Variants in NOVA1 observed in about 807,000 individuals in gnomAD.
NOVA1 encodes the protein NOVA alternative splicing regulator 1, also known as RNA-binding protein Nova-1.
Under a neutral mutation model 38.0 loss-of-function variants are expected in NOVA1, and 7 were observed. That is an observed-to-expected ratio of 0.18 (90% CI 0.10 to 0.35). The LOEUF (loss-of-function observed/expected upper bound fraction) is 0.35. Among genes scored for constraint, NOVA1 ranks in the 10% least tolerant of loss-of-function variants. The probability of loss-of-function intolerance (pLI) is 1.00; values close to 1 mark genes in which losing one functional copy is unlikely to be tolerated. For missense variants in NOVA1, 460 were observed against 616.0 expected, an observed-to-expected ratio of 0.75 and a Z score of 2.68; for synonymous variants, 270 against 232.5, an observed-to-expected ratio of 1.16 and a Z score of -1.47.
chr14:26,562,637 T>C (rs1891896642), intron 2 of NOVA1, among the ~76,000 whole-genome samples: 1 of 152,088 alleles, frequency 6.6e-6, no homozygotes, highest in Non-Finnish European at 1.5e-5. Context: ...GAGAGGAAGC[T>C]GAAAACTAGG....
chr14:26,576,742 C>T (rs1345906267), intron 2 of NOVA1, among the ~76,000 whole-genome samples: 1 of 151,028 alleles, frequency 6.6e-6, no homozygotes, highest in East Asian at 2.0e-4. Flanking sequence ...CCTCTTGCCT[C>T]CTTTTTTTAT....
intron 2 of NOVA1, among the ~76,000 whole-genome samples, chr14:26,571,258 A>G (rs1892453981): frequency 6.6e-6 from 1 of 152,076 alleles, no homozygotes; most frequent in Non-Finnish European, 1.5e-5. Flanking sequence ...TCTAAAAAGA[A>G]CTGAAAAAAA....
chr14:26,547,117 G>GA (rs1375617435), intron 2 of NOVA1, among the ~76,000 whole-genome samples: 2 of 152,024 alleles, frequency 1.3e-5, no homozygotes, highest in African/African-American at 2.4e-5. Flanking sequence ...GAGAAAGGAT[G>GA]AAAAATAAGT....
intron 2 of NOVA1, among the ~76,000 whole-genome samples, chr14:26,562,530 A>G (rs969608211): frequency 1.3e-5 from 2 of 152,176 alleles, no homozygotes; most frequent in Non-Finnish European, 2.9e-5. Context: ...CAGAAAGACA[A>G]GGAGAAGGGT....
intron 2 of NOVA1, among the ~76,000 whole-genome samples, chr14:26,590,021 A>T (rs1051115314): frequency 1.3e-5 from 2 of 151,888 alleles, no homozygotes; most frequent in African/African-American, 4.8e-5. Context: ...GCTGCAGTGC[A>T]ATGTGAGATA....
chr14:26,544,589 TGGA>T (rs1296735565), intron 2 of NOVA1, among the ~76,000 whole-genome samples: 1 of 152,040 alleles, frequency 6.6e-6, no homozygotes, highest in Non-Finnish European at 1.5e-5. Flanking sequence ...CATTTTATAT[TGGA>T]GGAGAATTTA....
intron 4 of NOVA1, among the ~76,000 whole-genome samples, chr14:26,470,996 T>C (rs1300627710): frequency 6.6e-6 from 1 of 152,132 alleles, no homozygotes; most frequent in Non-Finnish European, 1.5e-5. Flanking sequence ...AGTATACTTT[T>C]AAACTTCATG....
intron 2 of NOVA1, among the ~76,000 whole-genome samples, chr14:26,528,983 A>G (rs1390271128): frequency 6.6e-6 from 1 of 152,132 alleles, no homozygotes; most frequent in African/African-American, 2.4e-5. Flanking sequence ...TGCATTCTCA[A>G]TTTATGACGT....
chr14:26,570,569 A>G (rs1892410367), intron 2 of NOVA1, among the ~76,000 whole-genome samples: 1 of 152,106 alleles, frequency 6.6e-6, no homozygotes, highest in Non-Finnish European at 1.5e-5. Flanking sequence ...GTGTATGTGT[A>G]TACATATGTG....
intron 2 of NOVA1, among the ~76,000 whole-genome samples, chr14:26,504,039 A>C (rs2138420056): frequency 6.6e-6 from 1 of 152,300 alleles, no homozygotes; most frequent in African/African-American, 2.4e-5. Flanking sequence ...GTAAAACATG[A>C]CATTTTCTGA....
intron 2 of NOVA1, among the ~76,000 whole-genome samples, chr14:26,544,090 G>A (rs1226997099): frequency 1.3e-5 from 2 of 151,686 alleles, no homozygotes; most frequent in African/African-American, 4.8e-5. Context: ...GTAGGTTGGT[G>A]GAGTAAAGAA....
chr14:26,459,461 C>A (rs144420132), intron 4 of NOVA1, among the ~76,000 whole-genome samples: 1 of 151,968 alleles, frequency 6.6e-6, no homozygotes, highest in Non-Finnish European at 1.5e-5. Flanking sequence ...GATGTATGCA[C>A]AATGACAGAA....
At chr14:26,502,630 T>C (rs1341949636) in intron 2 of NOVA1, among the ~76,000 whole-genome samples, 1 of 150,264 alleles carries the variant, frequency 6.7e-6, no homozygotes, top group African/African-American at 2.4e-5. Flanking sequence ...AGCCTACTTA[T>C]AGTTAACTAT....
chr14:26,473,204 A>G (rs1489521214), intron 3 of NOVA1, among the ~76,000 whole-genome samples: 2 of 151,302 alleles, frequency 1.3e-5, no homozygotes, highest in Admixed American at 6.6e-5. Flanking sequence ...CTTACTATAT[A>G]TATATAATAT....
chr14:26,444,245 C>A lies in NOVA1; in HGVS notation c.*3714G>T, dbSNP rs1467141681. On this transcript the variant is annotated 3_prime_UTR_variant, in exon 5 of 5. Coordinates refer to ENST00000539517, the MANE Select transcript of NOVA1 (RefSeq NM_002515.3). ...ATGCTTTCATACTGTTTATTTTTTT[C>A]CAATAAAAAAATAAATCTCATACAT... 1.3e-5 allele frequency: 2 copies of A among 151,564 alleles called. No homozygotes were observed. Among genetic ancestry groups the A allele is most frequent in the African/African-American group, 4.8e-5 (2 of 41,270 alleles). 9.4% of individuals were successfully genotyped at this position (151,564 alleles called of 1,614,324 possible). A position where few individuals can be genotyped will look rare whatever the true frequency, so the allele number is the denominator to read the frequency against.
intron 4 of NOVA1, among the ~76,000 whole-genome samples, chr14:26,454,757 G>C (rs565076301): frequency 1.3e-5 from 2 of 152,052 alleles, no homozygotes; most frequent in Non-Finnish European, 2.9e-5. Flanking sequence ...TAATAGTCAA[G>C]ATATCATAGT....
chr14:26,477,126 G>A (rs1395054304), intron 3 of NOVA1, among the ~76,000 whole-genome samples: 2 of 151,766 alleles, frequency 1.3e-5, no homozygotes, highest in Admixed American at 6.6e-5. Context: ...GGTCTGCAAG[G>A]GCTACAGTTT....
chr14:26,481,528 G>A (rs1033122163), intron 2 of NOVA1, among the ~76,000 whole-genome samples: 9 of 151,982 alleles, frequency 5.9e-5, no homozygotes, highest in Non-Finnish European at 1.5e-5. Context: ...AAAACTTAGA[G>A]ATATACCTAA....
At chr14:26,501,153 G>A (rs919766522) in intron 2 of NOVA1, among the ~76,000 whole-genome samples, 1 of 151,912 alleles carries the variant, frequency 6.6e-6, no homozygotes, top group Non-Finnish European at 1.5e-5. Context: ...ATAATTTTAC[G>A]AAGGTAGCAA....
Sources: allele counts gnomAD v4.1 joint callset (sites outside exome capture counted in the v4.1 genomes callset), GRCh38; gene constraint gnomAD v4.1.1; transcripts MANE v1.5; gene names NCBI Gene and HGNC (gene_info 2026-07-23, HGNC 2026-07-21).